Variants in RGS5 observed in about 807,000 individuals in gnomAD.
The protein encoded by RGS5 is regulator of G-protein signalling 5.
A neutral mutation model predicts 18.9 loss-of-function variants in RGS5; 20 were observed. The observed-to-expected ratio is 1.06, with a 90% CI of 0.74 to 1.54. The LOEUF (loss-of-function observed/expected upper bound fraction) is 1.54, where lower values mean the gene tolerates loss of function less well. Ranked by LOEUF, RGS5 falls within the 40% of genes most tolerant of loss-of-function variation. RGS5 has a pLI of 0.00. For synonymous variants in RGS5, 57 were observed against 76.2 expected (o/e 0.75, Z 1.31); for missense variants, 201 against 211.8 (o/e 0.95, Z 0.32).
At chr1:163,266,090 T>C (rs768173130) in intron 2 of RGS5, among the ~76,000 whole-genome samples, 1 of 152,070 alleles carries the variant, frequency 6.6e-6, no homozygotes, top group Non-Finnish European at 1.5e-5. Flanking sequence ...AGTGTTGAAC[T>C]AATCTCCTAC....
chr1:163,270,216 A>C (rs1281297746), intron 2 of RGS5, among the ~76,000 whole-genome samples: 4 of 152,092 alleles, frequency 2.6e-5, no homozygotes, highest in African/African-American at 9.7e-5. Flanking sequence ...TCTTTGCCTG[A>C]AGAGTTCATA....
chr1:163,313,210 C>T (rs1328473411), intron 1 of RGS5, among the ~76,000 whole-genome samples: 1 of 152,012 alleles, frequency 6.6e-6, no homozygotes, highest in Non-Finnish European at 1.5e-5. Context: ...ATTATAAATT[C>T]CTCATGCAGA....
intron 2 of RGS5, among the ~76,000 whole-genome samples, chr1:163,223,328 C>T (rs1647269903): frequency 3.9e-5 from 6 of 152,086 alleles, no homozygotes; most frequent in Admixed American, 3.9e-4. Context: ...ATCAGAGAGC[C>T]CCTCTTAATG....
At chr1:163,201,629 G>T (rs547734692) in intron 1 of RGS5, among the ~76,000 whole-genome samples, 2 of 152,116 alleles carry the variant, frequency 1.3e-5, no homozygotes, top group South Asian at 4.2e-4. Context: ...CTCCCTGGAG[G>T]TTTCATATTC....
intron 3 of RGS5, among the ~76,000 whole-genome samples, chr1:163,155,856 C>A (rs1208662473): frequency 6.6e-6 from 1 of 152,196 alleles, no homozygotes; most frequent in South Asian, 2.1e-4. Context: ...CTCTAGAAAG[C>A]CAATGAAACC....
At chr1:163,315,540 A>G (rs1040561382) in intron 1 of RGS5, among the ~76,000 whole-genome samples, 12 of 152,228 alleles carry the variant, frequency 7.9e-5, no homozygotes, top group African/African-American at 2.7e-4. Flanking sequence ...ATGATACTAG[A>G]GAGGTTAGAG....
intron 2 of RGS5, among the ~76,000 whole-genome samples, chr1:163,249,073 A>C (rs1164991833): frequency 1.3e-5 from 2 of 152,216 alleles, no homozygotes; most frequent in African/African-American, 4.8e-5. Context: ...CATTCAACTG[A>C]ATAAACATTC....
rs534209151 is a variant in RGS5, at chr1:163,145,765, A to G, written c.*1577T>C. 6.6e-6 allele frequency: 1 copy of G among 152,232 alleles called. No individual in the cohort carries two copies. Among genetic ancestry groups the G allele is most frequent in the Admixed American group, 6.5e-5 (1 of 15,272 alleles). The allele number at this position is 152,232 out of a possible 1,614,324, so 9.4% of individuals were successfully genotyped here. On this transcript the variant is annotated 3_prime_UTR_variant, in exon 5 of 5. Coordinates refer to ENST00000313961, the MANE Select transcript of RGS5 (RefSeq NM_003617.4). The stretch of plus-strand genomic sequence containing the variant: ...GTGTTTACCTGAAGAATACAGTCAC[A>G]TAGTTGCTTCACTTTCAATATTCTT...
chr1:163,310,034 CAG>C (rs1649811962), intron 1 of RGS5, among the ~76,000 whole-genome samples: 1 of 152,144 alleles, frequency 6.6e-6, no homozygotes, highest in Non-Finnish European at 1.5e-5. Context: ...CCAGTCTCGA[CAG>C]AGTCTCAATA....
intron 1 of RGS5, among the ~76,000 whole-genome samples, chr1:163,215,909 A>G (rs1660206491): frequency 6.6e-6 from 1 of 151,772 alleles, no homozygotes; most frequent in Admixed American, 6.6e-5. Context: ...TATTCATTTA[A>G]ATAATAATAA....
chr1:163,210,153 C>G (rs1299180974), intron 1 of RGS5, among the ~76,000 whole-genome samples: 2 of 146,122 alleles, frequency 1.4e-5, no homozygotes, highest in South Asian at 2.2e-4. Context: ...CCACGCCCAA[C>G]TAATTTTTTT....
chr1:163,210,171 T>C (rs533311991), intron 1 of RGS5, among the ~76,000 whole-genome samples: 1 of 151,868 alleles, frequency 6.6e-6, no homozygotes, highest in Non-Finnish European at 1.5e-5. Flanking sequence ...TTTTTTCGTA[T>C]TTTTTGGGGT....
intron 1 of RGS5, among the ~76,000 whole-genome samples, chr1:163,200,217 T>C (rs994366476): frequency 1.3e-5 from 2 of 152,158 alleles, no homozygotes; most frequent in African/African-American, 4.8e-5. Flanking sequence ...CCTTAACTAG[T>C]ACTCTTTCCA....
At position 163,162,145 on chromosome 1, in the gene RGS5, G is replaced by T. The variant is rs540515899; in HGVS notation, c.156-169C>A. On this transcript the variant is annotated intron_variant, in intron 2 of 4. Coordinates refer to ENST00000313961, the MANE Select transcript of RGS5 (RefSeq NM_003617.4). ...TTTCTCTCTAACAATTGGGTTTGAT[G>T]AGCTGGGTTTGCTTTCATACATCTT... 2.6e-5 allele frequency among the ~76,000 whole-genome samples: 4 copies of T among 152,306 alleles called. No homozygotes were observed. In the East Asian group the frequency reaches 7.7e-4, roughly 29 times the overall value.
At chr1:163,212,647 C>T (rs1207367179) in intron 1 of RGS5, 1 of 152,222 alleles carries the variant, frequency 6.6e-6, no homozygotes, top group East Asian at 1.9e-4. Flanking sequence ...GAGCAGGCTT[C>T]CTTATAGCTC....
intron 2 of RGS5, among the ~76,000 whole-genome samples, chr1:163,240,692 C>G (rs370722440): frequency 1.3e-5 from 2 of 151,990 alleles, no homozygotes; most frequent in African/African-American, 4.8e-5. Context: ...AATTTTTAAA[C>G]GTTTTGTTGA....
chr1:163,242,452 A>G (rs1647815679), intron 2 of RGS5, among the ~76,000 whole-genome samples: 1 of 152,220 alleles, frequency 6.6e-6, no homozygotes, highest in South Asian at 2.1e-4. Context: ...GAGTTGTGAG[A>G]TAAGATAGAA....
intron 2 of RGS5, among the ~76,000 whole-genome samples, chr1:163,256,320 GACAA>G (rs10540671): frequency 0.23 from 35,457 of 151,544 alleles, 4,400 homozygotes; most frequent in African/African-American, 0.33. Context: ...ACCAATAACA[GACAA>G]ACAGAGAGCC....
chr1:163,308,526 GT>G (rs763921135), intron 1 of RGS5: 1 of 152,130 alleles, frequency 6.6e-6, no homozygotes, highest in Non-Finnish European at 1.5e-5. Context: ...AATAAATTTA[GT>G]TTTATAAAAA....
Sources: gnomAD v4.1 joint callset for allele counts (sites outside exome capture counted in the v4.1 genomes callset) on GRCh38, gnomAD v4.1.1 for gene constraint, MANE v1.5 for transcripts, NCBI Gene and HGNC (gene_info 2026-07-23, HGNC 2026-07-21) for gene names.